Variants in SLC10A7 observed in about 807,000 individuals in gnomAD.
SLC10A7 encodes solute carrier family 10 member 7, also known as sodium/bile acid cotransporter 7.
In SLC10A7, 29 loss-of-function variants were observed where a neutral mutation model predicts 43.2. The observed-to-expected ratio is 0.67, with a 90% CI of 0.50 to 0.92. The LOEUF is 0.92. Among genes scored for constraint, SLC10A7 ranks in the 40% least tolerant of loss-of-function variants. The pLI, the probability that SLC10A7 is intolerant of heterozygous loss-of-function variation, is 0.00. For synonymous variants in SLC10A7, 152 were observed against 144.8 expected, an observed-to-expected ratio of 1.05 and a Z score of -0.35; for missense variants, 295 against 403.2, an observed-to-expected ratio of 0.73 and a Z score of 2.30.
intron 7 of SLC10A7, among the ~76,000 whole-genome samples, chr4:146,302,661 G>A (rs1731241004): frequency 6.6e-6 from 1 of 152,150 alleles, no homozygotes; most frequent in Non-Finnish European, 1.5e-5. Context: ...GAAAGAATGA[G>A]CAGGAACTGA....
chr4:146,392,693 C>T (rs1738530741), intron 5 of SLC10A7, among the ~76,000 whole-genome samples: 1 of 152,156 alleles, frequency 6.6e-6, no homozygotes, highest in Non-Finnish European at 1.5e-5. Flanking sequence ...AGCCAGACCC[C>T]TCAATGCCTG....
intron 5 of SLC10A7, among the ~76,000 whole-genome samples, chr4:146,337,022 AGG>A (rs1473666464): frequency 5.0e-4 from 76 of 152,178 alleles, no homozygotes; most frequent in African/African-American, 1.8e-3. Flanking sequence ...TTTTCTATCC[AGG>A]TTAAGAGTGA....
chr4:146,389,516 A>G (rs138636357), intron 5 of SLC10A7, among the ~76,000 whole-genome samples: 1 of 152,300 alleles, frequency 6.6e-6, no homozygotes, highest in East Asian at 1.9e-4. Context: ...AAAGCCATGG[A>G]GTCTATGGTA....
intron 2 of SLC10A7, among the ~76,000 whole-genome samples, chr4:146,510,262 A>T (rs11323813): frequency 0.59 from 73,139 of 124,362 alleles, 18,436 homozygotes; most frequent in East Asian, 0.77. Context: ...AATTTCTTAA[A>T]TTTTTTTTTT....
intron 5 of SLC10A7, among the ~76,000 whole-genome samples, chr4:146,392,428 T>C (rs147808942): frequency 1.7e-4 from 26 of 152,308 alleles, no homozygotes; most frequent in African/African-American, 6.0e-4. Flanking sequence ...GTGGGAGATA[T>C]ATATGTATGT....
intron 5 of SLC10A7, among the ~76,000 whole-genome samples, chr4:146,407,601 A>G (rs1242178469): frequency 6.6e-6 from 1 of 152,246 alleles, no homozygotes; most frequent in African/African-American, 2.4e-5. Flanking sequence ...ATACGTATTT[A>G]TTCAAATCCA....
rs533340630 is a variant in SLC10A7, at chr4:146,417,529, C to T, written c.435+25254G>A. ...TGTGAAGCTGTATACATCCTTAACA[C>T]ACGCTCATGTAAAAACAACTTATTG... On this transcript the variant is annotated intron_variant, in intron 5 of 11. Transcript: ENST00000335472. 1.4e-4 allele frequency among the ~76,000 whole-genome samples: 21 copies of T among 152,282 alleles called. No homozygotes were observed. In the South Asian group the frequency reaches 4.4e-3, roughly 32 times the overall value.
intron 9 of SLC10A7, among the ~76,000 whole-genome samples, chr4:146,289,153 G>T (rs1034257820): frequency 2.0e-5 from 3 of 152,150 alleles, no homozygotes; most frequent in Non-Finnish European, 4.4e-5. Flanking sequence ...GTCATTAGCT[G>T]GGTGGCACTG....
intron 5 of SLC10A7, among the ~76,000 whole-genome samples, chr4:146,367,533 C>T (rs1409925521): frequency 1.3e-5 from 2 of 152,090 alleles, no homozygotes; most frequent in Non-Finnish European, 1.5e-5. Context: ...TTTATGCAGT[C>T]CTTTTCAATG....
chr4:146,380,586 C>T (rs1737543519), intron 5 of SLC10A7, among the ~76,000 whole-genome samples: 1 of 152,080 alleles, frequency 6.6e-6, no homozygotes, highest in Non-Finnish European at 1.5e-5. Context: ...TGACCTACTA[C>T]ATATGGGGCA....
intron 4 of SLC10A7, among the ~76,000 whole-genome samples, chr4:146,485,134 A>G (rs1377481767): frequency 6.6e-6 from 1 of 152,192 alleles, no homozygotes; most frequent in Non-Finnish European, 1.5e-5. Context: ...CCAACTTCCT[A>G]TTGTGTCTAT....
intron 10 of SLC10A7, among the ~76,000 whole-genome samples, chr4:146,260,982 G>T (rs763029966): frequency 6.6e-6 from 1 of 152,192 alleles, no homozygotes; most frequent in Non-Finnish European, 1.5e-5. Context: ...TGGATTCAAA[G>T]ACATAGCTTT....
intron 9 of SLC10A7, among the ~76,000 whole-genome samples, chr4:146,289,591 G>A (rs1278135568): frequency 6.6e-6 from 1 of 151,534 alleles, no homozygotes; most frequent in Non-Finnish European, 1.5e-5. Flanking sequence ...TTAGGTCATT[G>A]GATAGCTGAC....
At chr4:146,343,592 A>G (rs1734416607) in intron 5 of SLC10A7, among the ~76,000 whole-genome samples, 2 of 152,048 alleles carry the variant, frequency 1.3e-5, no homozygotes, top group South Asian at 2.1e-4. Context: ...GAGATAAACT[A>G]GTGGTCAAGA....
intron 5 of SLC10A7, among the ~76,000 whole-genome samples, chr4:146,428,768 A>G (rs1434871232): frequency 6.6e-6 from 1 of 152,168 alleles, no homozygotes; most frequent in Non-Finnish European, 1.5e-5. Context: ...AATAAACTTT[A>G]ATTTAAAAAA....
chr4:146,430,951 C>A (rs1044385350), intron 5 of SLC10A7, among the ~76,000 whole-genome samples: 2 of 151,990 alleles, frequency 1.3e-5, no homozygotes, highest in African/African-American at 4.8e-5. Flanking sequence ...TTTATAAAGT[C>A]CTCCATTATC....
intron 5 of SLC10A7, among the ~76,000 whole-genome samples, chr4:146,361,379 C>T (rs1032538876): frequency 1.3e-5 from 2 of 152,156 alleles, no homozygotes; most frequent in Admixed American, 6.5e-5. Context: ...AATATAGCTT[C>T]TAAACAGATC....
intron 2 of SLC10A7, chr4:146,514,998 A>C (rs1737814718): frequency 1.6e-6 from 1 of 613,390 alleles, no homozygotes; most frequent in East Asian, 2.8e-5. Flanking sequence ...GCATTTCATT[A>C]GATCCAAATT....
intron 11 of SLC10A7, 68 bp downstream of exon 11, chr4:146,258,624 A>G (rs1158374633): frequency 1.8e-5 from 27 of 1,479,870 alleles, no homozygotes; most frequent in Non-Finnish European, 2.4e-5. Context: ...AAGTGTATGA[A>G]CAGTTCAGAT....
Sources: allele counts gnomAD v4.1 joint callset (sites outside exome capture counted in the v4.1 genomes callset), GRCh38; gene constraint gnomAD v4.1.1; transcripts MANE v1.5; gene names NCBI Gene and HGNC (gene_info 2026-07-23, HGNC 2026-07-21).